The following TCF12 variants were observed in gnomAD, a reference collection of about 807,000 sequenced individuals.
TCF12 encodes the protein transcription factor 12, also known as DNA-binding protein HTF4.
Under a neutral mutation model 86.0 loss-of-function variants are expected in TCF12, and 45 were observed. The ratio of observed to expected loss-of-function variants is 0.52; its 90% CI spans 0.41 to 0.67. The LOEUF (loss-of-function observed/expected upper bound fraction) is 0.67. Among genes scored for constraint, TCF12 ranks in the 30% least tolerant of loss-of-function variants. The pLI, the probability that TCF12 is intolerant of heterozygous loss-of-function variation, is 0.00. For synonymous variants in TCF12, 330 were observed against 299.6 expected (o/e 1.10, Z -1.05); for missense variants, 881 against 859.9 (o/e 1.02, Z -0.31).
At chr15:56,997,617 C>T (rs1338040397) in intron 3 of TCF12, among the ~76,000 whole-genome samples, 1 of 151,996 alleles carries the variant, frequency 6.6e-6, no homozygotes, top group East Asian at 1.9e-4. Context: ...CCCCCAGATT[C>T]TAAAATAAAA....
At chr15:56,926,921 G>C (rs1425046035) in intron 3 of TCF12, among the ~76,000 whole-genome samples, 2 of 152,180 alleles carry the variant, frequency 1.3e-5, no homozygotes, top group African/African-American at 4.8e-5. Context: ...GGAGTAAATT[G>C]TTAGTGGTGA....
intron 15 of TCF12, 53 bp downstream of exon 15, chr15:57,252,545 C>G (rs2060166185): frequency 7.0e-7 from 1 of 1,433,098 alleles, no homozygotes; most frequent in African/African-American, 1.4e-5. Flanking sequence ...ATTATACTTC[C>G]CACTATTCAT....
intron 8 of TCF12, chr15:57,214,334 G>A (rs910243763): frequency 5.9e-5 from 9 of 152,166 alleles, no homozygotes; most frequent in African/African-American, 1.9e-4. Context: ...TGTTCATGTT[G>A]ATGTCGGAGG....
At chr15:56,941,406 G>C (rs1192516322) in intron 3 of TCF12, among the ~76,000 whole-genome samples, 1 of 147,380 alleles carries the variant, frequency 6.8e-6, no homozygotes, top group Non-Finnish European at 1.5e-5. Flanking sequence ...GAGTTTTGCT[G>C]TTGTTGCCCA....
intron 5 of TCF12, among the ~76,000 whole-genome samples, chr15:57,099,271 C>G (rs1157794771): frequency 1.3e-5 from 2 of 152,100 alleles, no homozygotes; most frequent in African/African-American, 4.8e-5. Context: ...CTTTTCTACC[C>G]AGTCTGAGAG....
chr15:57,047,056 T>C (rs2067278751), intron 3 of TCF12, among the ~76,000 whole-genome samples: 1 of 152,198 alleles, frequency 6.6e-6, no homozygotes, highest in Non-Finnish European at 1.5e-5. Flanking sequence ...GTTTGAAAGT[T>C]TTAAAGGGAG....
intron 5 of TCF12, among the ~76,000 whole-genome samples, chr15:57,110,721 G>T (rs1370919121): frequency 6.6e-6 from 1 of 150,910 alleles, no homozygotes; most frequent in Non-Finnish European, 1.5e-5. Context: ...AGATAGAATG[G>T]ATACATTGGG....
At position 57,042,140 on chromosome 15, in the gene TCF12, A is replaced by T. The variant is rs1229229982; in HGVS notation, c.149-21610A>T. Among the ~76,000 whole-genome samples the T allele has an allele frequency of 2.6e-3, 391 of 151,888 alleles. 2 individuals carry two copies. Among genetic ancestry groups the T allele is most frequent in the African/African-American group, 9.1e-3 (376 of 41,392 alleles). On this transcript the variant is annotated intron_variant, in intron 3 of 20. Coordinates refer to ENST00000333725, the MANE Select transcript of TCF12 (RefSeq NM_207037.2). ...TTCAATTTTTATTGTTTTTTTTGAG[A>T]TGGAGTTTTGCCTTGTTGCCCAGGC...
intron 3 of TCF12, among the ~76,000 whole-genome samples, chr15:57,056,116 G>GGTGTGTGTGTGTGTGTGTGTGTGTGT (rs137934114): frequency 7.0e-6 from 1 of 143,238 alleles, no homozygotes; most frequent in South Asian, 2.3e-4. Flanking sequence ...TAGTTTTAGG[G>GGTGTGTGTGTGTGTGTGTGTGTGTGT]GTGTGTGTGT....
chr15:57,063,409 A>C (rs904704195), intron 3 of TCF12, among the ~76,000 whole-genome samples: 7 of 152,206 alleles, frequency 4.6e-5, no homozygotes, highest in Non-Finnish European at 8.8e-5. Flanking sequence ...TGTAGGCAGT[A>C]CTAAACCAGA....
At chr15:57,010,268 G>A (rs555808662) in intron 3 of TCF12, among the ~76,000 whole-genome samples, 1 of 151,862 alleles carries the variant, frequency 6.6e-6, no homozygotes, top group Admixed American at 6.6e-5. Flanking sequence ...ATATTTGCTG[G>A]TGGGCAAGCA....
At chr15:57,128,696 C>T (rs1438690265) in intron 5 of TCF12, among the ~76,000 whole-genome samples, 3 of 152,184 alleles carry the variant, frequency 2.0e-5, no homozygotes, top group African/African-American at 7.2e-5. Context: ...ATTCCTATTT[C>T]CTCCTTCACC....
intron 4 of TCF12, among the ~76,000 whole-genome samples, chr15:57,077,333 G>A (rs775621879): frequency 4.2e-4 from 4 of 9,596 alleles, no homozygotes; most frequent in African/African-American, 1.4e-3. Flanking sequence ...ATATATGTGT[G>A]TGTGTGTGTG....
At chr15:57,048,352 C>G (rs1027272492) in intron 3 of TCF12, among the ~76,000 whole-genome samples, 2 of 152,142 alleles carry the variant, frequency 1.3e-5, no homozygotes, top group Non-Finnish European at 2.9e-5. Context: ...AGCTCCGCCT[C>G]CCAGGTTCAC....
chr15:57,256,410 G>A (rs1416605108), intron 16 of TCF12, among the ~76,000 whole-genome samples: 1 of 152,040 alleles, frequency 6.6e-6, no homozygotes, highest in African/African-American at 2.4e-5. Flanking sequence ...GATTTTGGGG[G>A]CATGTTTTTG....
intron 19 of TCF12, among the ~76,000 whole-genome samples, chr15:57,280,318 A>C (rs918386143): frequency 6.6e-6 from 1 of 152,182 alleles, no homozygotes; most frequent in African/African-American, 2.4e-5. Context: ...TTTTCCTGCT[A>C]GTTACCCTAA....
At chr15:57,021,827 T>G (rs2141257816) in intron 3 of TCF12, among the ~76,000 whole-genome samples, 1 of 152,230 alleles carries the variant, frequency 6.6e-6, no homozygotes, top group Non-Finnish European at 1.5e-5. Flanking sequence ...GGGCCGACTT[T>G]TCCTATAGGC....
chr15:57,290,883 C>T (rs1330223243), downstream of TCF12: 1 of 152,188 alleles, frequency 6.6e-6, no homozygotes, highest in Non-Finnish European at 1.5e-5. Context: ...AGCACCTCAT[C>T]TTCCTACAAA....
intron 3 of TCF12, chr15:57,001,325 CA>C (rs754804801): frequency 5.6e-6 from 1 of 179,238 alleles, no homozygotes; most frequent in African/African-American, 2.4e-5. Context: ...CCAGGAATTC[CA>C]CAAATTGTAT....
Sources: allele counts gnomAD v4.1 joint callset (sites outside exome capture counted in the v4.1 genomes callset), GRCh38; gene constraint gnomAD v4.1.1; transcripts MANE v1.5; gene names NCBI Gene and HGNC (gene_info 2026-07-23, HGNC 2026-07-21).